The following TMEM117 variants were observed in gnomAD, a reference collection of about 807,000 sequenced individuals.
The protein encoded by TMEM117 is transmembrane protein 117.
TMEM117 carries 27 observed loss-of-function variants against 52.4 expected under a neutral mutation model. The ratio of observed to expected loss-of-function variants is 0.51; its 90% confidence interval spans 0.38 to 0.71. The LOEUF is 0.71. Ranked by LOEUF, TMEM117 falls within the 30% of genes least tolerant of loss-of-function variation. The pLI is 0.00. For missense variants in TMEM117, 556 were observed against 630.5 expected (o/e 0.88, Z 1.26); for synonymous variants, 215 against 206.3 (o/e 1.04, Z -0.36).
intron 2 of TMEM117, among the ~76,000 whole-genome samples, chr12:43,848,798 A>C (rs1943256542): frequency 6.6e-6 from 1 of 152,238 alleles, no homozygotes; most frequent in Non-Finnish European, 1.5e-5. Context: ...ATAAATGTCC[A>C]TATTAAGATG....
intron 3 of TMEM117, among the ~76,000 whole-genome samples, chr12:44,090,700 A>G (rs1318954971): frequency 6.6e-6 from 1 of 152,004 alleles, no homozygotes; most frequent in African/African-American, 2.4e-5. Flanking sequence ...TCAGCCTCCC[A>G]AAGTGCTGGG....
At chr12:43,993,147 G>A (rs1945971035) in intron 3 of TMEM117, among the ~76,000 whole-genome samples, 2 of 152,276 alleles carry the variant, frequency 1.3e-5, no homozygotes, top group African/African-American at 4.8e-5. Context: ...CTGGAATAAA[G>A]ACATTCAAGT....
rs10667663 is a variant in TMEM117, at chr12:43,943,176, CAAAAAAAAAAAA to C, written c.278-1019_278-1008del. ...CCAGCAACAGAGCAAGACTCTGTCT[CAAAAAAAAAAAA>C]AAAAAAAAAAAAAATTTATTGTAAG... On this transcript the variant is annotated intron_variant, in intron 2 of 7. Coordinates refer to ENST00000266534, the MANE Select transcript of TMEM117 (RefSeq NM_032256.3). Among the ~76,000 whole-genome samples, 4 of 72,228 alleles carry C rather than the reference CAAAAAAAAAAAA, an allele frequency of 5.5e-5. No homozygotes were observed. The South Asian group carries it at 3.1e-3, about 56-fold the overall frequency. The allele number at this position is 72,228 out of a possible 152,430, so 47.4% of individuals were successfully genotyped here.
chr12:44,080,521 A>G (rs1947465014), intron 3 of TMEM117, among the ~76,000 whole-genome samples: 1 of 152,166 alleles, frequency 6.6e-6, no homozygotes. Context: ...ACCATATCAC[A>G]TGTTATGCAT....
At chr12:43,967,887 G>A (rs561789280) in intron 3 of TMEM117, among the ~76,000 whole-genome samples, 1 of 152,332 alleles carries the variant, frequency 6.6e-6, no homozygotes, top group East Asian at 1.9e-4. Context: ...AAACATGCGT[G>A]TGCGTGTGGA....
At chr12:44,159,557 T>C (rs1266912179) in intron 4 of TMEM117, among the ~76,000 whole-genome samples, 1 of 152,052 alleles carries the variant, frequency 6.6e-6, no homozygotes, top group Non-Finnish European at 1.5e-5. Context: ...TCCTAAACAG[T>C]GTGTCCATAA....
At chr12:43,970,029 G>A (rs1416754138) in intron 3 of TMEM117, among the ~76,000 whole-genome samples, 3 of 152,172 alleles carry the variant, frequency 2.0e-5, no homozygotes, top group Non-Finnish European at 4.4e-5. Context: ...TAAGTTATAA[G>A]TTGTGAGTCA....
Position 44,106,094 on chromosome 12 carries a change from T to G in TMEM117, c.411-37431T>G, listed in dbSNP as rs867428426. Among the ~76,000 whole-genome samples the G allele has an allele frequency of 1.1e-3, 169 of 152,194 alleles. 2 individuals are homozygous for G. Among genetic ancestry groups the G allele is most frequent in the Middle Eastern group, 3.4e-3 (1 of 294 alleles). On this transcript the variant is annotated intron_variant, in intron 3 of 7. Coordinates refer to ENST00000266534, the MANE Select transcript of TMEM117 (RefSeq NM_032256.3). ...CAGAGGTTTCTACTTAAGGGTTTCT[T>G]CTAAGTTGCAATTTTCTGTATTCAC...
chr12:44,313,758 T>G (rs948259681), intron 6 of TMEM117, among the ~76,000 whole-genome samples: 1 of 152,218 alleles, frequency 6.6e-6, no homozygotes, highest in African/African-American at 2.4e-5. Flanking sequence ...GTTTTTCCAT[T>G]TGTGTCATCT....
chr12:44,311,247 T>C (rs1950971264), intron 6 of TMEM117, among the ~76,000 whole-genome samples: 1 of 152,184 alleles, frequency 6.6e-6, no homozygotes, highest in South Asian at 2.1e-4. Flanking sequence ...GATTACCGTT[T>C]GTTCAACCTT....
At chr12:44,265,280 G>A (rs1362312203) in intron 5 of TMEM117, among the ~76,000 whole-genome samples, 3 of 152,182 alleles carry the variant, frequency 2.0e-5, no homozygotes, top group Non-Finnish European at 4.4e-5. Flanking sequence ...GGTACCACAT[G>A]ACTTTGGAGA....
At chr12:44,272,236 A>C (rs1362872718) in intron 5 of TMEM117, among the ~76,000 whole-genome samples, 1 of 152,110 alleles carries the variant, frequency 6.6e-6, no homozygotes. Flanking sequence ...AAGTAACAAG[A>C]TCAAAGCCAT....
intron 5 of TMEM117, among the ~76,000 whole-genome samples, chr12:44,225,495 C>T (rs1223178853): frequency 2.6e-5 from 4 of 152,026 alleles, no homozygotes; most frequent in African/African-American, 7.2e-5. Flanking sequence ...AATAAATGAA[C>T]GGATTTTTTT....
chr12:44,327,592 G>A (rs1951213337), intron 6 of TMEM117, among the ~76,000 whole-genome samples: 1 of 152,086 alleles, frequency 6.6e-6, no homozygotes, highest in Non-Finnish European at 1.5e-5. Flanking sequence ...CGAACATCTT[G>A]GGATAATAAA....
At chr12:43,902,483 G>A (rs1944319820) in intron 2 of TMEM117, among the ~76,000 whole-genome samples, 3 of 152,158 alleles carry the variant, frequency 2.0e-5, no homozygotes, top group Admixed American at 2.0e-4. Flanking sequence ...GATATCTAGT[G>A]CTCTACATTG....
chr12:44,302,016 C>T (rs1950846806), intron 6 of TMEM117, among the ~76,000 whole-genome samples: 1 of 152,106 alleles, frequency 6.6e-6, no homozygotes, highest in Non-Finnish European at 1.5e-5. Context: ...TTTCTGTCTC[C>T]CCTAACACTA....
rs570706169 is a variant in TMEM117 at position 43,958,660 on chromosome 12, C to T, written c.410+14318C>T. Among the ~76,000 whole-genome samples, 152 of 152,278 alleles carry T rather than the reference C, an allele frequency of 1.0e-3. 1 individual carries two copies. The highest frequency in any genetic ancestry group is 3.2e-3 in the African/African-American group (133 of 41,572). On this transcript the variant is annotated intron_variant, in intron 3 of 7. Coordinates refer to ENST00000266534, the MANE Select transcript of TMEM117 (RefSeq NM_032256.3). ...TTTGATAAGCTTTAGTAAGAAGTCA[C>T]GTGGAGAACTCATCTGGCTGGGTGT...
At chr12:44,181,278 G>A (rs1477010378) in intron 4 of TMEM117, among the ~76,000 whole-genome samples, 34 of 151,356 alleles carry the variant, frequency 2.2e-4, no homozygotes, top group Middle Eastern at 3.2e-3. Flanking sequence ...AGTAGGTTGC[G>A]AAAATTTTCT....
At chr12:44,008,800 A>G (rs554293012) in intron 3 of TMEM117, 29 of 444,522 alleles carry the variant, frequency 6.5e-5, no homozygotes, top group Admixed American at 2.2e-4. Flanking sequence ...CACATTCATG[A>G]CATTTAAAGG....
Sources: allele counts gnomAD v4.1 joint callset (sites outside exome capture counted in the v4.1 genomes callset), GRCh38; gene constraint gnomAD v4.1.1; transcripts MANE v1.5; gene names NCBI Gene and HGNC (gene_info 2026-07-23, HGNC 2026-07-21).